The following NDUFA12 variants were observed in gnomAD, a reference collection of about 807,000 sequenced individuals.
NDUFA12 encodes NADH:ubiquinone oxidoreductase subunit A12, also known as NADH dehydrogenase [ubiquinone] 1 alpha subcomplex subunit 12.
NDUFA12 carries 17 observed loss-of-function variants against 20.3 expected under a neutral mutation model. The ratio of observed to expected loss-of-function variants is 0.84; its 90% CI spans 0.57 to 1.26. NDUFA12 has a LOEUF of 1.26. Ranked by LOEUF, NDUFA12 falls within the 50% of genes most tolerant of loss-of-function variation. The pLI, the probability that NDUFA12 is intolerant of heterozygous loss-of-function variation, is 0.00. For missense variants in NDUFA12, 191 were observed against 183.7 expected (o/e 1.04, Z -0.23); for synonymous variants, 72 against 63.6 (o/e 1.13, Z -0.63).
At chr12:95,002,627 T>C in intron 2 of NDUFA12, 112 bp downstream of exon 2, 1 of 809,646 alleles carries the variant, frequency 1.2e-6, no homozygotes. Flanking sequence ...CTATTGAGTT[T>C]TTCATCCTTT....
chr12:94,975,461 A>G (rs1337470813), intron 3 of NDUFA12, among the ~76,000 whole-genome samples: 1 of 152,250 alleles, frequency 6.6e-6, no homozygotes, highest in Admixed American at 6.5e-5. Flanking sequence ...GAACTTAAAG[A>G]GAAATCAGTA....
intron 3 of NDUFA12, among the ~76,000 whole-genome samples, chr12:94,989,350 A>C (rs1214293131): frequency 2.0e-5 from 3 of 152,200 alleles, no homozygotes; most frequent in Non-Finnish European, 1.5e-5. Context: ...TAGTTATTTG[A>C]ATAGGGATGA....
intron 2 of NDUFA12, among the ~76,000 whole-genome samples, chr12:94,996,474 C>T (rs1453138329): frequency 6.6e-6 from 1 of 151,684 alleles, no homozygotes; most frequent in African/African-American, 2.4e-5. Context: ...ATGCCAGGCC[C>T]TAATTTTTTT....
chr12:94,992,993 A>T (rs1175791147), intron 3 of NDUFA12, among the ~76,000 whole-genome samples: 1 of 152,208 alleles, frequency 6.6e-6, no homozygotes, highest in African/African-American at 2.4e-5. Context: ...TTTCAGAAGA[A>T]CACCACTGAC....
At chr12:94,999,968 C>T (rs1874966825) in intron 2 of NDUFA12, among the ~76,000 whole-genome samples, 1 of 152,192 alleles carries the variant, frequency 6.6e-6, no homozygotes, top group Non-Finnish European at 1.5e-5. Context: ...AGCAATCCCA[C>T]TACTGGGTAT....
Position 95,003,526 on chromosome 12 carries a change from A to G in NDUFA12, c.86+69T>C, listed in dbSNP as rs1592708493. On this transcript the variant is annotated intron_variant, in intron 1 of 3. Coordinates refer to ENST00000327772, the MANE Select transcript of NDUFA12 (RefSeq NM_018838.5). Reference sequence around the variant, plus strand: ...TTCTCCAAGGTGACCCGAGCCTGGGACCCCTTCCAAGAAATCAGCCAGCGA... The same window carrying G: ...TTCTCCAAGGTGACCCGAGCCTGGGGCCCCTTCCAAGAAATCAGCCAGCGA... 45 of 1,495,856 alleles carry G rather than the reference A, an allele frequency of 3.0e-5. No homozygotes were observed. In the East Asian group the frequency reaches 1.0e-3, roughly 34 times the overall value. 92.7% of individuals were successfully genotyped at this position (1,495,856 alleles called of 1,614,324 possible). A position where few individuals can be genotyped will look rare whatever the true frequency, so the allele number is the denominator to read the frequency against.
chr12:94,977,520 G>T (rs972593835), intron 3 of NDUFA12, among the ~76,000 whole-genome samples: 1 of 150,842 alleles, frequency 6.6e-6, no homozygotes. Context: ...CCACAAAACT[G>T]TAACAAATGA....
At chr12:95,002,644 T>C in intron 2 of NDUFA12, 95 bp downstream of exon 2, 1 of 878,058 alleles carries the variant, frequency 1.1e-6, no homozygotes, top group South Asian at 1.4e-5. Flanking sequence ...CTTTTCCAGG[T>C]GTTTTGTAAA....
At chr12:94,978,114 T>C (rs1292186417) in intron 3 of NDUFA12, among the ~76,000 whole-genome samples, 7 of 152,246 alleles carry the variant, frequency 4.6e-5, no homozygotes, top group Admixed American at 2.6e-4. Flanking sequence ...TGTGATCACA[T>C]AACGCCTCGC....
At chr12:94,990,569 T>C (rs970376077) in intron 3 of NDUFA12, among the ~76,000 whole-genome samples, 2 of 152,138 alleles carry the variant, frequency 1.3e-5, no homozygotes, top group Non-Finnish European at 2.9e-5. Flanking sequence ...ACTACAGGCA[T>C]GTACAACCAT....
intron 2 of NDUFA12, among the ~76,000 whole-genome samples, chr12:94,997,735 T>C (rs954527063): frequency 1.2e-4 from 18 of 152,080 alleles, no homozygotes; most frequent in African/African-American, 3.9e-4. Flanking sequence ...ATAATGCAAA[T>C]ATTCCAAAAT....
At chr12:94,982,194 T>C (rs1874263702) in intron 3 of NDUFA12, among the ~76,000 whole-genome samples, 1 of 151,998 alleles carries the variant, frequency 6.6e-6, no homozygotes, top group South Asian at 2.1e-4. Flanking sequence ...CATCAGATGT[T>C]CCTCTCCCTG....
At chr12:94,978,846 C>T (rs1874143677) in intron 3 of NDUFA12, among the ~76,000 whole-genome samples, 1 of 152,076 alleles carries the variant, frequency 6.6e-6, no homozygotes, top group Non-Finnish European at 1.5e-5. Context: ...ATCCAAATTG[C>T]CCAACAATCC....
Position 94,987,583 on chromosome 12 carries a change from T to C in NDUFA12, c.257+6587A>G, listed in dbSNP as rs1031046429. 3.9e-5 allele frequency among the ~76,000 whole-genome samples: 6 copies of C among 152,054 alleles called. No individual in the cohort carries two copies. The South Asian group carries it at 8.3e-4, about 21-fold the overall frequency. On this transcript the variant is annotated intron_variant, in intron 3 of 3. Coordinates refer to ENST00000327772, the MANE Select transcript of NDUFA12 (RefSeq NM_018838.5). ...TGGGAGGCCAAGGTAGGCAGATCAC[T>C]TGAGGCCAGGAGTTCAAGACCAGCC...
chr12:94,986,843 G>A (rs2136065507), intron 3 of NDUFA12, among the ~76,000 whole-genome samples: 2 of 151,388 alleles, frequency 1.3e-5, no homozygotes, highest in Middle Eastern at 3.4e-3. Flanking sequence ...AACCTCCAAA[G>A]AACTCCAAAT....
intron 2 of NDUFA12, among the ~76,000 whole-genome samples, chr12:95,002,420 C>A (rs1297551078): frequency 7.3e-4 from 14 of 19,168 alleles, no homozygotes; most frequent in Admixed American, 3.2e-3. Context: ...CCAGCCTGGC[C>A]GACAGAGACT....
At position 95,003,660 on chromosome 12, in the gene NDUFA12, C is replaced by A. The variant is rs1875152557; in HGVS notation, c.21G>T (p.Leu7=). 2 of 1,614,108 alleles carry A rather than the reference C, an allele frequency of 1.2e-6. No homozygotes were observed. Among genetic ancestry groups the A allele is most frequent in the Admixed American group, 1.7e-5 (1 of 60,006 alleles). The change falls in exon 1 of 4, where the codon CTG becomes CTT. Residue 7 remains leucine (L), a synonymous_variant. Coordinates refer to ENST00000327772, the MANE Select transcript of NDUFA12 (RefSeq NM_018838.5). MELVQV[L]KRGLQQITGH... Reference sequence around the variant, plus strand: ...CGGTGATCTGCTGCAGCCCGCGTTTCAGGACCTGCACTAACTCCATCTTGC... The same window carrying A: ...CGGTGATCTGCTGCAGCCCGCGTTTAAGGACCTGCACTAACTCCATCTTGC...
chr12:94,981,139 T>C (rs1007797738), intron 3 of NDUFA12, among the ~76,000 whole-genome samples: 2 of 152,106 alleles, frequency 1.3e-5, no homozygotes, highest in African/African-American at 4.8e-5. Flanking sequence ...TAGTATAGAA[T>C]AGTACTTGAG....
At chr12:94,981,106 GAGAAAAAAAA>G (rs1874222593) in intron 3 of NDUFA12, among the ~76,000 whole-genome samples, 1 of 150,778 alleles carries the variant, frequency 6.6e-6, no homozygotes, top group Non-Finnish European at 1.5e-5. Context: ...ACAAGAACAA[GAGAAAAAAAA>G]AGAAAGAAAA....
Sources: allele counts gnomAD v4.1 joint callset (sites outside exome capture counted in the v4.1 genomes callset), GRCh38; gene constraint gnomAD v4.1.1; transcripts MANE v1.5; gene names NCBI Gene and HGNC (gene_info 2026-07-23, HGNC 2026-07-21).